Variants in VWF observed in about 807,000 individuals in gnomAD.
VWF encodes von Willebrand factor, also known as Factor VIII related antigen.
Under a neutral mutation model 308.6 loss-of-function variants are expected in VWF, and 176 were observed. The ratio of observed to expected loss-of-function variants is 0.57; its 90% CI spans 0.50 to 0.65. The LOEUF is 0.65. VWF is among the 30% of genes least tolerant of loss of function. VWF has a pLI of 0.00. For synonymous variants in VWF, 1,385 were observed against 1,443.4 expected (o/e 0.96, Z 0.92); for missense variants, 3,146 against 3,648.2 (o/e 0.86, Z 3.55).
intron 47 of VWF, among the ~76,000 whole-genome samples, chr12:5,961,733 G>A (rs756601896): frequency 1.3e-5 from 2 of 151,706 alleles, no homozygotes; most frequent in African/African-American, 4.8e-5. Flanking sequence ...TTGCAATATC[G>A]TCCAAAAACT....
rs267607353 is a variant in VWF, at chr12:6,016,197, A to C, written c.5347T>G (p.Ser1783Ala). The change falls in exon 31 of 52, where the codon TCA (serine) becomes GCA (alanine). Residue 1783 changes from serine to alanine, a missense_variant. Transcript: ENST00000261405. ...CCCGGCCTGGCACCATGCATTTCTG[A>C]AGTCAAGTATCGCACAGCAAAGCCC... ...ALGFAVRYLTSEMHGARPGAS... is the reference protein window; with the variant it reads ...ALGFAVRYLTAEMHGARPGAS... 4.4e-5 allele frequency: 71 copies of C among 1,614,172 alleles called. No homozygotes were observed. The South Asian group carries it at 6.9e-4, about 16-fold the overall frequency.
intron 48 of VWF, among the ~76,000 whole-genome samples, 163 bp downstream of exon 48, chr12:5,953,332 GT>G (rs1320775287): frequency 2.0e-5 from 3 of 152,160 alleles, no homozygotes; most frequent in South Asian, 2.1e-4. Flanking sequence ...AGAAAATTCT[GT>G]GCCTGCAATA....
chr12:6,045,529 A>C (rs1944438307), intron 17 of VWF, among the ~76,000 whole-genome samples: 1 of 152,246 alleles, frequency 6.6e-6, no homozygotes, highest in Admixed American at 6.5e-5. Flanking sequence ...GGACAGAAGA[A>C]GACACAGAAG....
rs1212181276 is a variant in VWF, at chr12:5,985,580, G to A, written c.6884C>T (p.Pro2295Leu). The A allele has an allele frequency of 6.2e-7, 1 of 1,614,062 alleles. No individual in the cohort carries two copies. Among genetic ancestry groups the A allele is most frequent in the South Asian group, 1.1e-5 (1 of 91,082 alleles). ...ACTCTCACCTTTGGCCGTGGGGCAG[G>A]GCTGCGTTGTGCAGTTGACCTTCCG... is the stretch of plus-strand genomic sequence containing the variant. ...SGRKVNCTTQ[P>L]CPTAKAPTCG... The change falls in exon 39 of 52, where the codon CCC (proline) becomes CTC (leucine). Residue 2295 changes from proline (P) to leucine (L), a missense_variant. By Grantham distance (98) the Pro-to-Leu change is moderately conservative. Coordinates refer to ENST00000261405, the MANE Select transcript of VWF (RefSeq NM_000552.5).
At chr12:6,031,670 G>A in intron 20 of VWF, 92 bp from the exon 21 acceptor site, 1 of 1,595,864 alleles carries the variant, frequency 6.3e-7, no homozygotes, top group Non-Finnish European at 8.6e-7. Flanking sequence ...AGGCCTTTGA[G>A]TACGTGTCAC....
At chr12:6,030,436 C>T (rs1427789060) in intron 21 of VWF, among the ~76,000 whole-genome samples, 6 of 152,176 alleles carry the variant, frequency 3.9e-5, no homozygotes, top group Non-Finnish European at 8.8e-5. Flanking sequence ...GGCAGAGCTG[C>T]AGGCTGAGGC....
At chr12:6,092,618 AGTGTGT>A (rs752209524) in intron 6 of VWF, among the ~76,000 whole-genome samples, 3,438 of 65,882 alleles carry the variant, frequency 0.052, 89 homozygotes, top group Middle Eastern at 0.07. Context: ...AGTGAGTGAG[AGTGTGT>A]GTGTGTGTGT....
chr12:6,099,236 C>T (rs1270199982), intron 5 of VWF, among the ~76,000 whole-genome samples: 1 of 148,762 alleles, frequency 6.7e-6, no homozygotes, highest in Non-Finnish European at 1.5e-5. Flanking sequence ...AGAAGAACCA[C>T]TTGAACTGGG....
chr12:6,122,834 G>A (rs1369875659), intron 2 of VWF: 2 of 655,278 alleles, frequency 3.1e-6, no homozygotes, highest in African/African-American at 1.8e-5. Context: ...CAATCTTATC[G>A]AAAACTAATA....
intron 34 of VWF, among the ~76,000 whole-genome samples, chr12:6,000,736 T>C (rs216803): frequency 0.57 from 83,517 of 146,140 alleles, 23,758 homozygotes; most frequent in East Asian, 0.74. Context: ...GGCGTGAACC[T>C]GGGAGGCGGA....
intron 6 of VWF, among the ~76,000 whole-genome samples, chr12:6,094,984 C>A (rs961650410): frequency 6.7e-6 from 1 of 150,146 alleles, no homozygotes; most frequent in Non-Finnish European, 1.5e-5. Context: ...CCTCAGTCTC[C>A]CGAGTAGCTG....
rs182576402 is a variant in VWF at position 6,081,595 on chromosome 12, C to T, written c.658-6044G>A. On this transcript the variant is annotated intron_variant, in intron 6 of 51. Coordinates refer to ENST00000261405, the MANE Select transcript of VWF (RefSeq NM_000552.5). Reference sequence around the variant, plus strand: ...CCTCGTGATCCACCCGCCTTTGCCTCCCAAAGCTCTGGGATTACAGGAGTG... The same window carrying T: ...CCTCGTGATCCACCCGCCTTTGCCTTCCAAAGCTCTGGGATTACAGGAGTG... Among the ~76,000 whole-genome samples the T allele has an allele frequency of 2.5e-3, 381 of 152,312 alleles. 2 individuals are homozygous for T. Among genetic ancestry groups the T allele is most frequent in the African/African-American group, 8.5e-3 (354 of 41,566 alleles).
chr12:5,994,117 T>C lies in VWF; in HGVS notation c.6343A>G (p.Thr2115Ala). Residue 2115 changes from threonine (T) to alanine (A), a missense_variant, in exon 37 of 52, where the codon ACT becomes GCT. Thr to Ala is a moderately conservative substitution (Grantham distance 58, BLOSUM62 0). This residue lies in a region of VWF where 989 missense variants were observed against 1,117.4 expected (regional missense o/e 0.89). Transcript: ENST00000261405. ...TDWKTLVQEW[T>A]VQRPGQTCQP... The stretch of plus-strand genomic sequence containing the variant: ...CACGTCTGCCCTGGCCGCTGCACAG[T>C]CCATTCCTGAACAAGTGTTTTCCAG... 6.2e-7 allele frequency: 1 copy of C among 1,614,134 alleles called. No homozygotes were observed. Among genetic ancestry groups the C allele is most frequent in the African/African-American group, 1.3e-5 (1 of 75,024 alleles).
rs1168041996 is a variant in VWF at position 6,011,813 on chromosome 12, G to T, written c.5665-19C>A. 34 of 1,578,866 alleles carry T rather than the reference G, an allele frequency of 2.2e-5. No homozygotes were observed. The East Asian group carries it at 7.6e-4, about 35-fold the overall frequency. On this transcript the variant is annotated intron_variant, in intron 33 of 51. Transcript: ENST00000261405. ...CCCCGGGCTGCAGAAGAAAACAGCA[G>T]ATTCAGGCAGGGAATAAGATGAGGT...
intron 42 of VWF, among the ~76,000 whole-genome samples, chr12:5,979,746 A>T (rs1400684726): frequency 6.7e-6 from 1 of 149,912 alleles, no homozygotes; most frequent in Non-Finnish European, 1.5e-5. Flanking sequence ...GACTCAAAAA[A>T]AAAAGAAAAA....
intron 20 of VWF, among the ~76,000 whole-genome samples, chr12:6,031,951 C>A (rs1565836825): frequency 6.6e-6 from 1 of 152,190 alleles, no homozygotes; most frequent in African/African-American, 2.4e-5. Context: ...ACCCAGGTAA[C>A]TGGGACAGTT....
In VWF at chr12:6,013,638, T is replaced by C. The variant is rs375662234; in HGVS notation, c.5463A>G (p.Thr1821=). The C allele has an allele frequency of 6.2e-7, 1 of 1,612,976 alleles. No individual in the cohort carries two copies. The highest frequency in any genetic ancestry group is 1.3e-5 in the African/African-American group (1 of 74,890). Reference sequence around the variant, plus strand: ...GATCTCCAATTCCAATAGGGAACACTGTCACTCCTAGAGTTAGCAAAGAGA... The same window carrying C: ...GATCTCCAATTCCAATAGGGAACACCGTCACTCCTAGAGTTAGCAAAGAGA... The part of the protein sequence containing the change: ...AADAARSNRV[T]VFPIGIGDRY... Residue 1821 remains threonine (T), a synonymous_variant, in exon 32 of 52, where the codon ACA becomes ACG. Coordinates refer to ENST00000261405, the MANE Select transcript of VWF (RefSeq NM_000552.5).
At chr12:6,077,719 G>A (rs139743153) in intron 6 of VWF, among the ~76,000 whole-genome samples, 359 of 152,270 alleles carry the variant, frequency 2.4e-3, no homozygotes, top group Middle Eastern at 0.014. Flanking sequence ...TGTGGGTCCC[G>A]GGACCACTTA....
Position 6,071,291 on chromosome 12 carries a change from G to T in VWF, c.1156+6C>A. The stretch of plus-strand genomic sequence containing the variant: ...GGAGGAAGAGAATGAGCGGCAGGTC[G>T]CCTACCTGGACATTCTTCATTGCTG... On this transcript the variant is annotated splice_donor_region_variant and intron_variant, in intron 10 of 51. Coordinates refer to ENST00000261405, the MANE Select transcript of VWF (RefSeq NM_000552.5). 1.2e-6 allele frequency: 2 copies of T among 1,614,046 alleles called. No homozygotes were observed. The highest frequency in any genetic ancestry group is 1.7e-6 in the Non-Finnish European group (2 of 1,180,012).
Sources: allele counts gnomAD v4.1 joint callset (sites outside exome capture counted in the v4.1 genomes callset), GRCh38; gene constraint gnomAD v4.1.1; regional missense constraint gnomAD v4.1.1; transcripts MANE v1.5; gene names NCBI Gene and HGNC (gene_info 2026-07-23, HGNC 2026-07-21).